PLCB1: variants seen among roughly 807,000 people sequenced by gnomAD.
PLCB1 encodes phospholipase C beta 1, also known as 1-phosphatidylinositol 4,5-bisphosphate phosphodiesterase beta-1.
A neutral mutation model predicts 161.8 loss-of-function variants in PLCB1; 46 were observed. That is an observed-to-expected ratio of 0.28 (90% CI 0.22 to 0.36). The LOEUF is 0.36. Among genes scored for constraint, PLCB1 ranks in the 10% least tolerant of loss-of-function variants. The pLI is 1.00. For missense variants in PLCB1, 1,016 were observed against 1,472.5 expected, an observed-to-expected ratio of 0.69 and a Z score of 5.07; for synonymous variants, 517 against 503.7, an observed-to-expected ratio of 1.03 and a Z score of -0.35.
chr20:8,209,051 A>G (rs1978677605), intron 2 of PLCB1, among the ~76,000 whole-genome samples: 1 of 152,164 alleles, frequency 6.6e-6, no homozygotes, highest in Non-Finnish European at 1.5e-5. Context: ...ATCTTTGAAG[A>G]GGATGATTAA....
At chr20:8,795,168 G>A (rs1983955548) in intron 31 of PLCB1, among the ~76,000 whole-genome samples, 1 of 152,192 alleles carries the variant, frequency 6.6e-6, no homozygotes, top group South Asian at 2.1e-4. Context: ...GTTTATTTTA[G>A]ATTGTCCCAC....
intron 3 of PLCB1, among the ~76,000 whole-genome samples, chr20:8,528,344 A>G (rs1403079606): frequency 6.6e-6 from 1 of 152,130 alleles, no homozygotes; most frequent in African/African-American, 2.4e-5. Context: ...ATGTATTCAT[A>G]CAGTGCAGTA....
intron 31 of PLCB1, among the ~76,000 whole-genome samples, chr20:8,794,485 A>C (rs1457231046): frequency 6.6e-6 from 1 of 152,176 alleles, no homozygotes; most frequent in Non-Finnish European, 1.5e-5. Context: ...GAAGTTTTTT[A>C]ACTAGAAAGT....
At chr20:8,709,116 G>A (rs1213558084) in intron 12 of PLCB1, among the ~76,000 whole-genome samples, 1 of 152,074 alleles carries the variant, frequency 6.6e-6, no homozygotes, top group Non-Finnish European at 1.5e-5. Context: ...CACACAATTT[G>A]AGTCCACTTC....
chr20:8,446,752 G>A (rs1263864275), intron 3 of PLCB1, among the ~76,000 whole-genome samples: 5 of 152,148 alleles, frequency 3.3e-5, no homozygotes, highest in Non-Finnish European at 7.4e-5. Context: ...GAAGGAGACC[G>A]TTTAGTGTAC....
intron 31 of PLCB1, among the ~76,000 whole-genome samples, chr20:8,800,328 T>G (rs1984224379): frequency 6.6e-6 from 1 of 152,194 alleles, no homozygotes; most frequent in African/African-American, 2.4e-5. Context: ...TCAACAGAAA[T>G]CAACAGACAC....
chr20:8,761,979 G>C (rs966941474), intron 25 of PLCB1, among the ~76,000 whole-genome samples: 30 of 151,528 alleles, frequency 2.0e-4, no homozygotes, highest in Non-Finnish European at 3.7e-4. Flanking sequence ...GAGGCCAAGG[G>C]GGGGGCGGAT....
intron 1 of PLCB1, among the ~76,000 whole-genome samples, chr20:8,144,500 T>C (rs2051434642): frequency 6.6e-6 from 1 of 152,238 alleles, no homozygotes; most frequent in Non-Finnish European, 1.5e-5. Flanking sequence ...TCTTCATCTC[T>C]TCTGCTTTTC....
intron 9 of PLCB1, among the ~76,000 whole-genome samples, chr20:8,662,279 T>G (rs1418278649): frequency 8.1e-6 from 1 of 124,010 alleles, no homozygotes; most frequent in Non-Finnish European, 1.6e-5. Flanking sequence ...ATTTATTATA[T>G]AATTATGTAT....
intron 2 of PLCB1, among the ~76,000 whole-genome samples, chr20:8,267,289 G>A (rs562962401): frequency 7.9e-5 from 12 of 152,190 alleles, no homozygotes; most frequent in African/African-American, 2.9e-4. Context: ...GCCCCCAACT[G>A]AGTCCTATGG....
intron 3 of PLCB1, among the ~76,000 whole-genome samples, chr20:8,538,658 C>T (rs1337357856): frequency 2.0e-5 from 3 of 152,026 alleles, no homozygotes; most frequent in Admixed American, 2.0e-4. Context: ...TGATAAGGTA[C>T]TCTTTTATGT....
chr20:8,182,739 C>T (rs1439670456), intron 2 of PLCB1, among the ~76,000 whole-genome samples: 1 of 151,904 alleles, frequency 6.6e-6, no homozygotes, highest in Non-Finnish European at 1.5e-5. Flanking sequence ...CGCAACCATG[C>T]CCGGCTAATT....
chr20:8,792,736 C>T (rs1983824924), intron 31 of PLCB1: 5 of 431,234 alleles, frequency 1.2e-5, no homozygotes, highest in Admixed American at 8.9e-5. Flanking sequence ...GGCTTAAAAA[C>T]GTTGTGCCTT....
chr20:8,703,973 ATG>A (rs1308195797), intron 11 of PLCB1, among the ~76,000 whole-genome samples: 1 of 152,174 alleles, frequency 6.6e-6, no homozygotes, highest in Admixed American at 6.5e-5. Context: ...CGAAATACCA[ATG>A]AGGTGAGCCT....
chr20:8,588,036 G>A (rs546546347), intron 3 of PLCB1, among the ~76,000 whole-genome samples: 1 of 152,294 alleles, frequency 6.6e-6, no homozygotes, highest in East Asian at 1.9e-4. Flanking sequence ...TGTCACTCTG[G>A]TGTTGAGATA....
intron 3 of PLCB1, among the ~76,000 whole-genome samples, chr20:8,389,214 C>A (rs951189571): frequency 6.6e-6 from 1 of 152,208 alleles, no homozygotes; most frequent in Admixed American, 6.5e-5. Flanking sequence ...ACAGTTAAAT[C>A]TGCATGTTTA....
intron 4 of PLCB1, among the ~76,000 whole-genome samples, chr20:8,645,114 A>C (rs1171681866): frequency 6.6e-6 from 1 of 151,564 alleles, no homozygotes; most frequent in Non-Finnish European, 1.5e-5. Context: ...AGATGCTTGA[A>C]GGCAGCATGC....
At chr20:8,876,086 T>G (rs1262666114) in intron 31 of PLCB1, among the ~76,000 whole-genome samples, 2 of 152,022 alleles carry the variant, frequency 1.3e-5, no homozygotes, top group African/African-American at 4.8e-5. Flanking sequence ...TACCCAGAGT[T>G]CACAAAAATG....
chr20:8,439,402 T>C (rs1041084879), intron 3 of PLCB1, among the ~76,000 whole-genome samples: 1 of 152,202 alleles, frequency 6.6e-6, no homozygotes, highest in African/African-American at 2.4e-5. Context: ...GGATGTATTT[T>C]TTCCTAAGAC....
Sources: gnomAD v4.1 joint callset for allele counts (sites outside exome capture counted in the v4.1 genomes callset) on GRCh38, gnomAD v4.1.1 for gene constraint, MANE v1.5 for transcripts, NCBI Gene and HGNC (gene_info 2026-07-23, HGNC 2026-07-21) for gene names.